The following CAD variants were observed in gnomAD, a reference collection of about 807,000 sequenced individuals.
CAD encodes the protein multifunctional protein CAD.
Under a neutral mutation model 237.2 loss-of-function variants are expected in CAD, and 81 were observed. The observed-to-expected ratio is 0.34, with a 90% CI of 0.29 to 0.41. CAD has a LOEUF of 0.41. Among genes scored for constraint, CAD ranks in the 10% least tolerant of loss-of-function variants. CAD has a pLI of 1.00. For missense variants in CAD, 2,181 were observed against 2,951.7 expected (o/e 0.74, Z 6.05); for synonymous variants, 1,196 against 1,162.8 (o/e 1.03, Z -0.58).
Position 27,224,445 on chromosome 2 carries a change from C to T in CAD, c.1209C>T (p.Gly403=). The T allele has an allele frequency of 6.2e-7, 1 of 1,614,124 alleles. No individual in the cohort carries two copies. Among genetic ancestry groups the T allele is most frequent in the African/African-American group, 1.3e-5 (1 of 75,016 alleles). Reference sequence around the variant, plus strand: ...AGGTTCTGATCCTGGGCTCAGGGGGCCTCTCCATTGGCCAAGCTGGAGAAT... The same window carrying T: ...AGGTTCTGATCCTGGGCTCAGGGGGTCTCTCCATTGGCCAAGCTGGAGAAT... ...PRKVLILGSG[G]LSIGQAGEFD... Residue 403 remains glycine (G), a synonymous_variant, in exon 9 of 44, where the codon GGC becomes GGT. Transcript: ENST00000264705.
Position 27,238,230 on chromosome 2 carries a change from A to T in CAD, c.4860+43A>T, listed in dbSNP as rs1484248674. The T allele has an allele frequency of 5.0e-6, 8 of 1,605,478 alleles. No individual in the cohort carries two copies. The East Asian group carries it at 1.8e-4, about 36-fold the overall frequency. ...ATCCTGCTGTCCCTGTTGCTTTCCC[A>T]GTAACACCAAAGGTCAGGGTAGTCC... On this transcript the variant is annotated intron_variant, in intron 30 of 43. Coordinates refer to ENST00000264705, the MANE Select transcript of CAD (RefSeq NM_004341.5).
intron 9 of CAD, 40 bp downstream of exon 9, chr2:27,224,530 C>T (rs1379101400): frequency 5.0e-6 from 8 of 1,603,210 alleles, no homozygotes; most frequent in Non-Finnish European, 6.8e-6. Context: ...GCGTGTGACC[C>T]TCAAGAATGG....
At chr2:27,223,066 C>T (rs767960934) in intron 6 of CAD, 29 bp downstream of exon 6, 1 of 1,609,228 alleles carries the variant, frequency 6.2e-7, no homozygotes, top group Non-Finnish European at 8.5e-7. Flanking sequence ...AGAAGGGGCC[C>T]ATACTTGTGG....
At position 27,242,681 on chromosome 2, in the gene CAD, C is replaced by T. The variant is rs1409716725; in HGVS notation, c.6284C>T (p.Thr2095Ile). The change falls in exon 41 of 44, where the codon ACC (threonine) becomes ATC (isoleucine). Residue 2095 changes from threonine (T) to isoleucine (I), a missense_variant. By Grantham distance (89) the Thr-to-Ile change is moderately conservative. Coordinates refer to ENST00000264705, the MANE Select transcript of CAD (RefSeq NM_004341.5). The surrounding 1 kb of genome is among the most constrained non-coding windows in gnomAD (Gnocchi z 6.4). ...GTACATTCCCTGGCCTGCCTGCTCA[C>T]CCAGTATCGTGTCAGCCTGCGCTAC... ...RTVHSLACLL[T>I]QYRVSLRYVA... 15 of 1,613,938 alleles carry T rather than the reference C, an allele frequency of 9.3e-6. No individual in the cohort carries two copies. The highest frequency in any genetic ancestry group is 1.3e-5 in the Non-Finnish European group (15 of 1,179,874).
At position 27,236,397 on chromosome 2, in the gene CAD, A is replaced by G. The variant is rs762493116; in HGVS notation, c.4188A>G (p.Ser1396=). 3 of 1,614,104 alleles carry G rather than the reference A, an allele frequency of 1.9e-6. No homozygotes were observed. In the Admixed American group the frequency reaches 5.0e-5, roughly 27 times the overall value. Residue 1396 remains serine (S), a synonymous_variant, in exon 26 of 44, where the codon TCA becomes TCG. Transcript: ENST00000264705. The surrounding 1 kb of genome is among the most constrained non-coding windows in gnomAD (Gnocchi z 4.1). ...ACTTTGAGCTGGTGATTAACCTGTC[A>G]ATGCGTGGAGCTGGGGGCCGGCGTC... ...EKNFELVINL[S]MRGAGGRRLS...
chr2:27,243,617 C>G lies in CAD; in HGVS notation c.*99C>G, dbSNP rs1676443950. 3.3e-6 allele frequency: 3 copies of G among 917,746 alleles called. No homozygotes were observed. Among genetic ancestry groups the G allele is most frequent in the Non-Finnish European group, 5.1e-6 (3 of 589,842 alleles). 56.9% of individuals were successfully genotyped at this position (917,746 alleles called of 1,614,324 possible). A position where few individuals can be genotyped will look rare whatever the true frequency, so the allele number is the denominator to read the frequency against. On this transcript the variant is annotated 3_prime_UTR_variant, in exon 44 of 44. Coordinates refer to ENST00000264705, the MANE Select transcript of CAD (RefSeq NM_004341.5). Reference sequence around the variant, plus strand: ...AGCACACTTAGATATTCCTGGACATCCAGATAGCTCACATGTGCTGACCAC... The same window carrying G: ...AGCACACTTAGATATTCCTGGACATGCAGATAGCTCACATGTGCTGACCAC...
Position 27,238,065 on chromosome 2 carries a change from A to G in CAD, c.4738A>G (p.Thr1580Ala), listed in dbSNP as rs772789780. ...SVVQWMEHFE[T>A]WPSHLPIVAH... ...TTCTTTCTGCTCCCAGCATTTCGAGACATGGCCCTCCCACCTCCCCATTGT... is the reference window on the plus strand; with the variant it reads ...TTCTTTCTGCTCCCAGCATTTCGAGGCATGGCCCTCCCACCTCCCCATTGT... Residue 1580 changes from threonine (T) to alanine (A), a missense_variant, in exon 30 of 44, where the codon ACA becomes GCA. Around this residue, in one of 12 missense-constraint regions of CAD, gnomAD observed 478 missense variants for 515.0 expected, o/e 0.93. Coordinates refer to ENST00000264705, the MANE Select transcript of CAD (RefSeq NM_004341.5). 4.3e-6 allele frequency: 7 copies of G among 1,613,962 alleles called. No homozygotes were observed. Among genetic ancestry groups the G allele is most frequent in the Non-Finnish European group, 5.1e-6 (6 of 1,180,004 alleles).
At position 27,243,830 on chromosome 2, in the gene CAD, A is replaced by C. The variant is rs1353187841; in HGVS notation, c.*312A>C. 9 of 321,826 alleles carry C rather than the reference A, an allele frequency of 2.8e-5. No homozygotes were observed. The highest frequency in any genetic ancestry group is 4.5e-5 in the Admixed American group (1 of 22,010). 19.9% of individuals were successfully genotyped at this position (321,826 alleles called of 1,614,324 possible). A position where few individuals can be genotyped will look rare whatever the true frequency, so the allele number is the denominator to read the frequency against. ...AGAGCTTTCTTTTAGAAAATTGAGC[A>C]GATTCCCAAATTATAAGAGCAGCCT... On this transcript the variant is annotated 3_prime_UTR_variant, in exon 44 of 44. Coordinates refer to ENST00000264705, the MANE Select transcript of CAD (RefSeq NM_004341.5).
chr2:27,240,900 C>T lies in CAD; in HGVS notation c.5594-11C>T. The stretch of plus-strand genomic sequence containing the variant: ...CATAAATGTATATCTGTCCTCTTGT[C>T]CTGTTTGCAGCTGAGGAGCCAAAGG... On this transcript the variant is annotated splice_polypyrimidine_tract_variant and intron_variant, in intron 35 of 43. Coordinates refer to ENST00000264705, the MANE Select transcript of CAD (RefSeq NM_004341.5). This position sits in a 1 kb window ranked among gnomAD's most constrained non-coding sequence, Gnocchi z 4.6. 6 of 1,614,008 alleles carry T rather than the reference C, an allele frequency of 3.7e-6. No individual in the cohort carries two copies. The highest frequency in any genetic ancestry group is 5.1e-6 in the Non-Finnish European group (6 of 1,179,922).
Position 27,222,199 on chromosome 2 carries a change from G to A in CAD, c.358G>A (p.Asp120Asn), listed in dbSNP as rs756979309. The change falls in exon 4 of 44, where the codon GAC becomes AAC. Residue 120 changes from aspartate (D) to asparagine (N), a missense_variant. By Grantham distance (23) the Asp-to-Asn change is conservative (BLOSUM62 1). This residue lies in a region of CAD where 314 missense variants were observed against 339.4 expected (regional missense o/e 0.93). Transcript: ENST00000264705. ...QHGIPGLQGV[D>N]TRELTKKLRE... ...AGACTGTGCTATTTTGACAGGAGTAGACACTCGGGAGCTGACCAAGAAGTT... is the reference window on the plus strand; with the variant it reads ...AGACTGTGCTATTTTGACAGGAGTAAACACTCGGGAGCTGACCAAGAAGTT... The A allele has an allele frequency of 1.4e-5, 22 of 1,613,780 alleles. No homozygotes were observed. The highest frequency in any genetic ancestry group is 1.9e-5 in the Non-Finnish European group (22 of 1,179,792).
At position 27,217,916 on chromosome 2, in the gene CAD, C is replaced by A. The variant is rs778090775; in HGVS notation, c.122C>A (p.Thr41Asn). 6 of 1,612,102 alleles carry A rather than the reference C, an allele frequency of 3.7e-6. No homozygotes were observed. In the Admixed American group the frequency reaches 5.0e-5, roughly 14 times the overall value. Reference protein sequence around the residue: ...TGMVGYPEALTDPSYKAQILV... With the variant: ...TGMVGYPEALNDPSYKAQILV... ...ATGGTCGGCTACCCCGAGGCCCTCA[C>A]TGATCCCTCCTACAAGGCACAGATC... The change falls in exon 2 of 44, where the codon ACT becomes AAT. Residue 41 changes from threonine (T) to asparagine (N), a missense_variant. Coordinates refer to ENST00000264705, the MANE Select transcript of CAD (RefSeq NM_004341.5).
intron 29 of CAD, 55 bp from the exon 30 acceptor site, chr2:27,238,001 G>A: frequency 6.2e-7 from 1 of 1,603,212 alleles, no homozygotes; most frequent in African/African-American, 1.3e-5. Context: ...TCTGGGCTCT[G>A]ATGAGCACAG....
rs374659791 is a variant in CAD, at chr2:27,217,985, C to G, written c.191C>G (p.Pro64Arg). 3.4e-5 allele frequency: 55 copies of G among 1,611,556 alleles called. No individual in the cohort carries two copies. The African/African-American group carries it at 6.8e-4, about 20-fold the overall frequency. Residue 64 changes from proline (P) to arginine (R), a missense_variant, in exon 2 of 44, where the codon CCA becomes CGA. Transcript: ENST00000264705. The part of the protein sequence containing the change: ...YPLIGNYGIP[P>R]DEMDEFGLCK... ...CTGATCGGCAACTATGGCATCCCCC[C>G]AGATGAAATGGATGAGTTCGGTCTC...
chr2:27,226,436 C>T (rs1307982650), intron 13 of CAD, 89 bp from the exon 14 acceptor site: 1 of 1,559,442 alleles, frequency 6.4e-7, no homozygotes, highest in East Asian at 2.3e-5. Flanking sequence ...AAGCTGGAAT[C>T]TTCTTTACTA....
chr2:27,229,757 TC>T (rs370896985), intron 15 of CAD, among the ~76,000 whole-genome samples: 34 of 150,934 alleles, frequency 2.3e-4, no homozygotes, highest in Middle Eastern at 3.5e-3. Context: ...GCACCTGTAG[TC>T]CCAGCTACTC....
At chr2:27,227,011 A>G (rs1432712738) in intron 15 of CAD, 49 bp downstream of exon 15, 1 of 1,571,462 alleles carries the variant, frequency 6.4e-7, no homozygotes. Flanking sequence ...CATGACCAAG[A>G]ATCTTAAATG....
intron 22 of CAD, 54 bp downstream of exon 22, chr2:27,234,280 C>G: frequency 6.6e-7 from 1 of 1,515,790 alleles, no homozygotes; most frequent in South Asian, 1.1e-5. Flanking sequence ...ATGTTCTGTG[C>G]TGGCCACAGT....
At chr2:27,230,680 A>G (rs1382237034) in intron 15 of CAD, among the ~76,000 whole-genome samples, 1 of 152,200 alleles carries the variant, frequency 6.6e-6, no homozygotes, top group Non-Finnish European at 1.5e-5. Flanking sequence ...GAAACTCTAA[A>G]ATGATTGTTG....
At chr2:27,220,300 G>C (rs1048205598) in intron 2 of CAD, among the ~76,000 whole-genome samples, 22 of 152,124 alleles carry the variant, frequency 1.4e-4, no homozygotes, top group Admixed American at 1.4e-3. Context: ...AAGCTGTATT[G>C]GGTGAGTGGG....
Sources: gnomAD v4.1 joint callset for allele counts (sites outside exome capture counted in the v4.1 genomes callset) on GRCh38, gnomAD v4.1.1 for gene constraint, gnomAD v4.1.1 regional missense constraint, Gnocchi (gnomAD v3.1) non-coding constraint, MANE v1.5 for transcripts, NCBI Gene and HGNC (gene_info 2026-07-23, HGNC 2026-07-21) for gene names.